GABPB1: variants seen among roughly 807,000 people sequenced by gnomAD.
GABPB1 encodes GA-binding protein subunit beta-1.
A neutral mutation model predicts 45.9 loss-of-function variants in GABPB1; 15 were observed. The ratio of observed to expected loss-of-function variants is 0.33; its 90% CI spans 0.22 to 0.50. GABPB1 has a LOEUF of 0.50. GABPB1 is among the 20% of genes least tolerant of loss of function. The pLI is 0.98. For synonymous variants in GABPB1, 143 were observed against 154.4 expected, an observed-to-expected ratio of 0.93 and a Z score of 0.55; for missense variants, 252 against 457.5, an observed-to-expected ratio of 0.55 and a Z score of 4.10.
chr15:50,284,885 A>G (rs16963573), intron 8 of GABPB1, among the ~76,000 whole-genome samples: 11,579 of 152,164 alleles, frequency 0.076, 1,328 homozygotes, highest in African/African-American at 0.25. Context: ...AACATCCTAC[A>G]CATCACTTTA....
rs114858140 is a variant in GABPB1, at chr15:50,288,223, G to A, written c.883+1260C>T. ...CACACTATCATACCTGGCTAATTTC[G>A]TCATTTTTATTTTTGTAGAGATGAG... On this transcript the variant is annotated intron_variant, in intron 7 of 8. Transcript: ENST00000380877. Among the ~76,000 whole-genome samples, 639 of 152,000 alleles carry A rather than the reference G, an allele frequency of 4.2e-3. 4 individuals are homozygous for A. Among genetic ancestry groups the A allele is most frequent in the African/African-American group, 0.015 (602 of 41,444 alleles).
chr15:50,281,448 T>G (rs895245773), intron 8 of GABPB1, among the ~76,000 whole-genome samples: 13 of 152,170 alleles, frequency 8.5e-5, no homozygotes, highest in Non-Finnish European at 1.3e-4. Flanking sequence ...CCTGACCTCG[T>G]GATCTGCCCG....
At chr15:50,328,352 T>G (rs1015730467) in intron 1 of GABPB1, among the ~76,000 whole-genome samples, 1 of 152,192 alleles carries the variant, frequency 6.6e-6, no homozygotes, top group African/African-American at 2.4e-5. Context: ...CTCTCCCGTT[T>G]TTCTCCCTCA....
intron 1 of GABPB1, among the ~76,000 whole-genome samples, chr15:50,328,810 C>A (rs2047859720): frequency 6.6e-6 from 1 of 152,164 alleles, no homozygotes. Context: ...TTGTCACTTT[C>A]AAATTCTTTA....
intron 3 of GABPB1, 93 bp downstream of exon 3, chr15:50,303,873 T>C (rs7164798): frequency 0.17 from 158,702 of 915,390 alleles, 15,038 homozygotes; most frequent in Middle Eastern, 0.28. Context: ...ATAGATAAAA[T>C]ACTAAGTAGG....
rs545399250 is a variant in GABPB1 at position 50,345,319 on chromosome 15, A to G, written c.-1+9666T>C. ...GCGACAATCTGAATTATGCTATTCC[A>G]AAACTGCGTAAGTTAGGAAAGTAGT... is the stretch of plus-strand genomic sequence containing the variant. On this transcript the variant is annotated intron_variant, in intron 1 of 8. Transcript: ENST00000380877. Among the ~76,000 whole-genome samples, 4 of 152,350 alleles carry G rather than the reference A, an allele frequency of 2.6e-5. No homozygotes were observed. In the South Asian group the frequency reaches 8.3e-4, roughly 32 times the overall value.
At position 50,278,565 on chromosome 15, in the gene GABPB1, TTG is replaced by T; in HGVS notation, c.*65_*66del. 1 of 1,341,898 alleles carries T rather than the reference TTG, an allele frequency of 7.5e-7. No individual in the cohort carries two copies. The highest frequency in any genetic ancestry group is 1.0e-6 in the Non-Finnish European group (1 of 956,746). 83.1% of individuals were successfully genotyped at this position (1,341,898 alleles called of 1,614,324 possible). ...CTGTATTCCCATGGCTGTACCTTTG[TTG>T]TGTACAGTTCAAGATTGTATTCTTT... On this transcript the variant is annotated 3_prime_UTR_variant, in exon 9 of 9. Coordinates refer to ENST00000380877, the MANE Select transcript of GABPB1 (RefSeq NM_016654.5).
In GABPB1 at chr15:50,278,660, C is replaced by T. The variant is rs986519244; in HGVS notation, c.1124G>A (p.Arg375His). 5 of 1,611,654 alleles carry T rather than the reference C, an allele frequency of 3.1e-6. No individual in the cohort carries two copies. The highest frequency in any genetic ancestry group is 2.2e-5 in the East Asian group (1 of 44,828). ...AACAGCTTCTTTATTAGTCTGAAGA[C>T]GAGTCATAGCTTCCAACTTCTGTCT... ...AYRQKLEAMT[R>H]LQTNKEAV The change falls in exon 9 of 9, where the codon CGT becomes CAT. Residue 375 changes from arginine to histidine, a missense_variant. By Grantham distance (29) the Arg-to-His change is conservative. Transcript: ENST00000380877.
chr15:50,278,209 T>C lies in GABPB1; in HGVS notation c.*423A>G, dbSNP rs1420552971. On this transcript the variant is annotated 3_prime_UTR_variant, in exon 9 of 9. Transcript: ENST00000380877. Reference sequence around the variant, plus strand: ...AATCTTCTCTTCATACAGAGGTTTATACCTACAGGAGTAATTCCAGCATCA... The same window carrying C: ...AATCTTCTCTTCATACAGAGGTTTACACCTACAGGAGTAATTCCAGCATCA... 6.5e-6 allele frequency: 1 copy of C among 153,194 alleles called. No homozygotes were observed. The highest frequency in any genetic ancestry group is 1.5e-5 in the Non-Finnish European group (1 of 68,474). The allele number at this position is 153,194 out of a possible 1,614,324, so 9.5% of individuals were successfully genotyped here.
intron 7 of GABPB1, among the ~76,000 whole-genome samples, chr15:50,287,847 C>A (rs531760167): frequency 6.6e-6 from 1 of 152,186 alleles, no homozygotes; most frequent in Admixed American, 6.5e-5. Context: ...CAGAGTGGGA[C>A]AGAATGGCCT....
At chr15:50,300,953 G>T in intron 5 of GABPB1, 51 bp from the exon 6 acceptor site, 3 of 1,091,400 alleles carry the variant, frequency 2.7e-6, no homozygotes, top group Non-Finnish European at 4.2e-6. Flanking sequence ...TTAATCCAAT[G>T]CATATTTCTG....
chr15:50,284,392 T>A (rs2046089219), intron 8 of GABPB1, among the ~76,000 whole-genome samples: 1 of 152,182 alleles, frequency 6.6e-6, no homozygotes, highest in South Asian at 2.1e-4. Context: ...AAAGCTCTAA[T>A]TACTAAAATC....
At chr15:50,296,102 A>G (rs2046500157) in intron 6 of GABPB1, among the ~76,000 whole-genome samples, 1 of 152,184 alleles carries the variant, frequency 6.6e-6, no homozygotes, top group Non-Finnish European at 1.5e-5. Flanking sequence ...ACCCTGGACT[A>G]TCACAATTGC....
intron 8 of GABPB1, among the ~76,000 whole-genome samples, chr15:50,281,919 G>C (rs75538163): frequency 0.076 from 11,566 of 151,666 alleles, 1,328 homozygotes; most frequent in African/African-American, 0.25. Context: ...CTGGGCAACA[G>C]GGCAAAACCT....
At chr15:50,354,174 T>C in intron 1 of GABPB1, 1 of 336,918 alleles carries the variant, frequency 3.0e-6, no homozygotes, top group South Asian at 2.1e-5. Context: ...AAACACACAG[T>C]GATGAACTGT....
chr15:50,296,983 T>A (rs565729006), intron 6 of GABPB1, among the ~76,000 whole-genome samples: 1 of 146,962 alleles, frequency 6.8e-6, no homozygotes, highest in Non-Finnish European at 1.5e-5. Context: ...CAATCTTGGC[T>A]CACTGCAACC....
chr15:50,334,565 TG>T, intron 1 of GABPB1, among the ~76,000 whole-genome samples: 1 of 143,496 alleles, frequency 7.0e-6, no homozygotes, highest in African/African-American at 2.6e-5. Context: ...TGCAGCATGG[TG>T]GTACAACCTT....
chr15:50,352,400 T>G (rs1209501321), intron 1 of GABPB1: 2 of 151,928 alleles, frequency 1.3e-5, no homozygotes, highest in African/African-American at 4.8e-5. Context: ...AATGGCGCTA[T>G]CTTGGCTTAT....
At chr15:50,315,091 GATT>G (rs1396345766) in intron 1 of GABPB1, among the ~76,000 whole-genome samples, 1 of 152,074 alleles carries the variant, frequency 6.6e-6, no homozygotes, top group East Asian at 1.9e-4. Flanking sequence ...ATCAAAACAT[GATT>G]TTTTTGAAAT....
Sources: allele counts gnomAD v4.1 joint callset (sites outside exome capture counted in the v4.1 genomes callset), GRCh38; gene constraint gnomAD v4.1.1; transcripts MANE v1.5; gene names NCBI Gene and HGNC (gene_info 2026-07-23, HGNC 2026-07-21).